The following NGEF variants were observed in gnomAD, a reference collection of about 807,000 sequenced individuals.
The protein encoded by NGEF is neuronal guanine nucleotide exchange factor.
NGEF carries 31 observed loss-of-function variants against 80.9 expected under a neutral mutation model. The ratio of observed to expected loss-of-function variants is 0.38; its 90% CI spans 0.29 to 0.52. The LOEUF (loss-of-function observed/expected upper bound fraction) is 0.52, where lower values mean the gene tolerates loss of function less well. Among genes scored for constraint, NGEF ranks in the 20% least tolerant of loss-of-function variants. NGEF has a pLI of 0.84. For synonymous variants in NGEF, 371 were observed against 370.2 expected, an observed-to-expected ratio of 1.00 and a Z score of -0.03; for missense variants, 709 against 926.2, an observed-to-expected ratio of 0.77 and a Z score of 3.04.
At chr2:232,992,326 G>A (rs1321801539) in intron 1 of NGEF, among the ~76,000 whole-genome samples, 1 of 152,048 alleles carries the variant, frequency 6.6e-6, no homozygotes, top group Non-Finnish European at 1.5e-5. Flanking sequence ...GGGGGGCCGA[G>A]GCTGATGTAT....
intron 1 of NGEF, among the ~76,000 whole-genome samples, chr2:233,004,037 C>A (rs1695035642): frequency 6.6e-6 from 1 of 152,174 alleles, no homozygotes; most frequent in Non-Finnish European, 1.5e-5. Context: ...AGTCACTCTG[C>A]AAGACAGGCC....
chr2:232,966,776 C>T (rs564789243), intron 3 of NGEF, among the ~76,000 whole-genome samples: 1 of 152,270 alleles, frequency 6.6e-6, no homozygotes, highest in African/African-American at 2.4e-5. Context: ...TTCCTTGGCC[C>T]CTTGGACTCT....
chr2:232,879,333 A>G lies in NGEF; in HGVS notation c.*156T>C. On this transcript the variant is annotated 3_prime_UTR_variant, in exon 15 of 15. Coordinates refer to ENST00000264051, the MANE Select transcript of NGEF (RefSeq NM_019850.3). ...TGCGAGCAAGGGGCCAAGACACATG[A>G]GCACTCACTGCGTGGGCAGGGATGA... 1.5e-6 allele frequency: 1 copy of G among 683,814 alleles called. No individual in the cohort carries two copies. The highest frequency in any genetic ancestry group is 2.4e-6 in the Non-Finnish European group (1 of 408,904). The allele number at this position is 683,814 out of a possible 1,614,324, so 42.4% of individuals were successfully genotyped here.
intron 5 of NGEF, chr2:232,901,521 CCAGGGTG>C: frequency 1.2e-6 from 1 of 855,706 alleles, no homozygotes; most frequent in Non-Finnish European, 1.4e-6. Flanking sequence ...AGCTGCGTCA[CCAGGGTG>C]ACATCTGCGG....
chr2:232,974,514 G>T, intron 2 of NGEF, 109 bp downstream of exon 2: 3 of 1,291,068 alleles, frequency 2.3e-6, no homozygotes, highest in Admixed American at 4.5e-5. Flanking sequence ...AACTGTCCTT[G>T]GTACTTTTCA....
chr2:232,879,106 T>G lies in NGEF; in HGVS notation c.*383A>C. 1 of 174,142 alleles carries G rather than the reference T, an allele frequency of 5.7e-6. No homozygotes were observed. The allele number at this position is 174,142 out of a possible 1,614,324, so 10.8% of individuals were successfully genotyped here. On this transcript the variant is annotated 3_prime_UTR_variant, in exon 15 of 15. Transcript: ENST00000264051. ...GGACGCGTGCAGGAAATCGTGTCAA[T>G]TGTCACCTTCTGCCTGCCTCCCACA...
chr2:232,942,314 G>A (rs1300293514), intron 3 of NGEF, among the ~76,000 whole-genome samples: 3 of 152,192 alleles, frequency 2.0e-5, no homozygotes, highest in Non-Finnish European at 2.9e-5. Flanking sequence ...TGGCCTGAGT[G>A]AGCCTGCCCC....
At chr2:232,913,302 C>A (rs1692727080) in intron 5 of NGEF, among the ~76,000 whole-genome samples, 1 of 152,168 alleles carries the variant, frequency 6.6e-6, no homozygotes, top group Non-Finnish European at 1.5e-5. Flanking sequence ...TTTCTGTTAT[C>A]TTTGTTACCG....
chr2:233,001,751 C>T (rs181976438), intron 1 of NGEF, among the ~76,000 whole-genome samples: 4 of 152,282 alleles, frequency 2.6e-5, no homozygotes, highest in South Asian at 4.1e-4. Context: ...TGGTGGCGTG[C>T]GCCTGTAATC....
intron 6 of NGEF, among the ~76,000 whole-genome samples, chr2:232,894,069 C>T (rs1179234318): frequency 6.6e-6 from 1 of 152,244 alleles, no homozygotes; most frequent in Non-Finnish European, 1.5e-5. Flanking sequence ...ACTGTCCCAG[C>T]TGAGCCCCAT....
intron 1 of NGEF, among the ~76,000 whole-genome samples, chr2:232,984,130 G>A (rs1202384548): frequency 6.6e-6 from 1 of 152,196 alleles, no homozygotes; most frequent in African/African-American, 2.4e-5. Flanking sequence ...TGTCACCCAG[G>A]CTGGAGTGCA....
chr2:232,994,270 T>C (rs538698965), intron 1 of NGEF, among the ~76,000 whole-genome samples: 5 of 150,626 alleles, frequency 3.3e-5, no homozygotes, highest in Admixed American at 2.0e-4. Flanking sequence ...CTCAGGGGGC[T>C]GAGACAGGAG....
At position 232,892,833 on chromosome 2, in the gene NGEF, C is replaced by T; in HGVS notation, c.1142+65G>A. 6.5e-7 allele frequency: 1 copy of T among 1,550,028 alleles called. No individual in the cohort carries two copies. The highest frequency in any genetic ancestry group is 8.8e-7 in the Non-Finnish European group (1 of 1,132,152). ...GTGTCACCGTGTAAGGAGCCTGGGC[C>T]AGCACTGGTATGGCTGCCCCGGGCA... On this transcript the variant is annotated intron_variant, in intron 7 of 14. Transcript: ENST00000264051. The surrounding 1 kb of genome is among the most constrained non-coding windows in gnomAD (Gnocchi z 4.0).
chr2:232,989,631 A>G (rs1254854007), intron 1 of NGEF, among the ~76,000 whole-genome samples: 1 of 152,218 alleles, frequency 6.6e-6, no homozygotes, highest in Non-Finnish European at 1.5e-5. Context: ...GACCCCTGCT[A>G]TGCAGCAGAG....
intron 3 of NGEF, among the ~76,000 whole-genome samples, chr2:232,952,096 G>T (rs1368700351): frequency 1.3e-5 from 2 of 152,366 alleles, no homozygotes; most frequent in East Asian, 1.9e-4. Flanking sequence ...TCTTAGCAGG[G>T]CTCTGTTGGA....
At chr2:232,934,199 G>A (rs778344) in intron 3 of NGEF, among the ~76,000 whole-genome samples, 36,744 of 146,652 alleles carry the variant, frequency 0.25, 4,947 homozygotes, top group Non-Finnish European at 0.31. Flanking sequence ...CCGAGATTGC[G>A]CCACTGTACT....
intron 1 of NGEF, among the ~76,000 whole-genome samples, chr2:232,982,297 G>A (rs890349525): frequency 4.6e-5 from 7 of 152,170 alleles, no homozygotes; most frequent in African/African-American, 1.7e-4. Context: ...TGTGGCCTGA[G>A]ACAGGGGGAC....
chr2:232,891,640 T>C lies in NGEF; in HGVS notation c.1143-153A>G, dbSNP rs1402883947. Among the ~76,000 whole-genome samples, 6 of 152,048 alleles carry C rather than the reference T, an allele frequency of 3.9e-5. No homozygotes were observed. The East Asian group carries it at 1.2e-3, about 29-fold the overall frequency. On this transcript the variant is annotated intron_variant, in intron 7 of 14. Transcript: ENST00000264051. Reference sequence around the variant, plus strand: ...TCTTTGTTTTTTTTCAAAAGGAAAATAGACTGTTCACGTAAAAGTCAAATA... The same window carrying C: ...TCTTTGTTTTTTTTCAAAAGGAAAACAGACTGTTCACGTAAAAGTCAAATA...
intron 5 of NGEF, among the ~76,000 whole-genome samples, chr2:232,918,353 G>A (rs760657199): frequency 1.1e-4 from 16 of 152,008 alleles, no homozygotes; most frequent in Non-Finnish European, 2.1e-4. Flanking sequence ...TGCCCACCCC[G>A]GCCTCCCAAA....
Sources: allele counts gnomAD v4.1 joint callset (sites outside exome capture counted in the v4.1 genomes callset), GRCh38; gene constraint gnomAD v4.1.1; non-coding constraint Gnocchi (gnomAD v3.1); transcripts MANE v1.5; gene names NCBI Gene and HGNC (gene_info 2026-07-23, HGNC 2026-07-21).